Variants in CDC42BPA observed in about 807,000 individuals in gnomAD.
CDC42BPA encodes CDC42 binding protein kinase alpha.
CDC42BPA carries 80 observed loss-of-function variants against 223.5 expected under a neutral mutation model. That is an observed-to-expected ratio of 0.36 (90% CI 0.30 to 0.43). The LOEUF (loss-of-function observed/expected upper bound fraction) is 0.43. CDC42BPA is among the 20% of genes least tolerant of loss of function. The pLI is 1.00. For synonymous variants in CDC42BPA, 694 were observed against 718.6 expected (o/e 0.97, Z 0.55); for missense variants, 1,743 against 2,099.9 (o/e 0.83, Z 3.32).
chr1:227,309,441 A>G (rs1030368138), intron 1 of CDC42BPA, among the ~76,000 whole-genome samples: 7 of 152,234 alleles, frequency 4.6e-5, no homozygotes, highest in Non-Finnish European at 8.8e-5. Flanking sequence ...GTATATATAA[A>G]TAGTTGCTGG....
intron 21 of CDC42BPA, among the ~76,000 whole-genome samples, chr1:227,061,807 G>A (rs1675967783): frequency 6.6e-6 from 1 of 152,088 alleles, no homozygotes; most frequent in African/African-American, 2.4e-5. Flanking sequence ...GAGATTCCAG[G>A]TTTCTGTCCT....
chr1:227,092,249 G>A (rs1339660797), intron 15 of CDC42BPA, among the ~76,000 whole-genome samples: 1 of 152,180 alleles, frequency 6.6e-6, no homozygotes, highest in African/African-American at 2.4e-5. Flanking sequence ...CCAAGGAATT[G>A]TTGCAGGTCT....
At chr1:227,132,658 C>T (rs1356989282) in intron 10 of CDC42BPA, among the ~76,000 whole-genome samples, 2 of 151,248 alleles carry the variant, frequency 1.3e-5, no homozygotes, top group African/African-American at 4.9e-5. Flanking sequence ...TCGTCTCTGC[C>T]CGGCCGCCAT....
intron 1 of CDC42BPA, among the ~76,000 whole-genome samples, chr1:227,276,618 G>T (rs930380835): frequency 6.6e-6 from 1 of 152,232 alleles, no homozygotes; most frequent in Non-Finnish European, 1.5e-5. Context: ...GACGATGGCG[G>T]TTTTGTCTAA....
At chr1:227,286,315 T>A (rs553939801) in intron 1 of CDC42BPA, among the ~76,000 whole-genome samples, 2 of 152,348 alleles carry the variant, frequency 1.3e-5, no homozygotes, top group Admixed American at 6.5e-5. Context: ...AGAAATTTCT[T>A]CTGCCAGTTA....
rs140275087 is a variant in CDC42BPA at position 227,227,875 on chromosome 1, A to G, written c.271-14656T>C. Among the ~76,000 whole-genome samples the G allele has an allele frequency of 3.8e-3, 582 of 152,372 alleles. 10 individuals carry two copies. Among genetic ancestry groups the G allele is most frequent in the Admixed American group, 0.03 (455 of 15,306 alleles). ...GCATGTCTATACACTAGTAAATGAT[A>G]AATGTTCCATGTGTACTGAACAAGA... On this transcript the variant is annotated intron_variant, in intron 2 of 36. Coordinates refer to ENST00000366766, the MANE Select transcript of CDC42BPA (RefSeq NM_001394014.1).
At chr1:226,996,058 T>C (rs1661534226) in intron 35 of CDC42BPA, among the ~76,000 whole-genome samples, 1 of 152,250 alleles carries the variant, frequency 6.6e-6, no homozygotes, top group African/African-American at 2.4e-5. Flanking sequence ...AGAGCCTGCC[T>C]GGGCAGACTC....
At chr1:227,198,041 T>C (rs564577875) in intron 4 of CDC42BPA, among the ~76,000 whole-genome samples, 4 of 152,280 alleles carry the variant, frequency 2.6e-5, no homozygotes, top group Non-Finnish European at 5.9e-5. Context: ...CAATAATATA[T>C]ATGGCTTATA....
Position 226,993,998 on chromosome 1 carries a change from G to A in CDC42BPA, c.*270C>T, listed in dbSNP as rs912479780. On this transcript the variant is annotated 3_prime_UTR_variant, in exon 37 of 37. Coordinates refer to ENST00000366766, the MANE Select transcript of CDC42BPA (RefSeq NM_001394014.1). Reference sequence around the variant, plus strand: ...TATTTAAGCTACCTTTGGGAGTAGGGGTAAAATGTTACTGAAAGCAACTCT... The same window carrying A: ...TATTTAAGCTACCTTTGGGAGTAGGAGTAAAATGTTACTGAAAGCAACTCT... The A allele has an allele frequency of 2.6e-6, 1 of 379,688 alleles. No individual in the cohort carries two copies. Among genetic ancestry groups the A allele is most frequent in the African/African-American group, 2.1e-5 (1 of 47,590 alleles). The allele number at this position is 379,688 out of a possible 1,614,324, so 23.5% of individuals were successfully genotyped here.
At chr1:227,082,456 T>C (rs1680894423) in intron 16 of CDC42BPA, among the ~76,000 whole-genome samples, 1 of 152,122 alleles carries the variant, frequency 6.6e-6, no homozygotes, top group Non-Finnish European at 1.5e-5. Flanking sequence ...GGCTCACACC[T>C]GTAATCCCAG....
chr1:227,208,952 G>A (rs897913424), intron 3 of CDC42BPA, among the ~76,000 whole-genome samples: 1 of 151,940 alleles, frequency 6.6e-6, no homozygotes, highest in African/African-American at 2.4e-5. Flanking sequence ...TGGGCAGTAT[G>A]GCCATTTTCA....
chr1:227,185,313 G>A (rs1668578657), intron 5 of CDC42BPA, among the ~76,000 whole-genome samples: 1 of 152,114 alleles, frequency 6.6e-6, no homozygotes, highest in Non-Finnish European at 1.5e-5. Flanking sequence ...ACCCGGGCTG[G>A]CAACCTTTGA....
intron 12 of CDC42BPA, among the ~76,000 whole-genome samples, chr1:227,116,650 T>A (rs150793976): frequency 6.6e-6 from 1 of 152,164 alleles, no homozygotes; most frequent in African/African-American, 2.4e-5. Flanking sequence ...TGGAGAGATA[T>A]CATGTTTACA....
chr1:227,015,826 C>A (rs1271479118), intron 34 of CDC42BPA, among the ~76,000 whole-genome samples: 3 of 152,148 alleles, frequency 2.0e-5, no homozygotes, highest in Non-Finnish European at 4.4e-5. Context: ...AATAGTAAAC[C>A]TAGGCATGGG....
At chr1:227,014,366 G>A (rs1439104807) in intron 34 of CDC42BPA, among the ~76,000 whole-genome samples, 1 of 151,894 alleles carries the variant, frequency 6.6e-6, no homozygotes, top group Non-Finnish European at 1.5e-5. Flanking sequence ...AATGAGGCTG[G>A]TTTGAACTCC....
chr1:227,093,336 C>T (rs1683421192), intron 15 of CDC42BPA, among the ~76,000 whole-genome samples: 1 of 152,176 alleles, frequency 6.6e-6, no homozygotes, highest in Non-Finnish European at 1.5e-5. Context: ...GACCAAACCT[C>T]TTAGGCTAAG....
chr1:227,002,108 G>GT (rs1484336231), intron 35 of CDC42BPA, among the ~76,000 whole-genome samples: 1 of 152,176 alleles, frequency 6.6e-6, no homozygotes, highest in African/African-American at 2.4e-5. Flanking sequence ...TAATGTGTTT[G>GT]TTTGTCATGG....
chr1:227,011,011 G>T, intron 34 of CDC42BPA: 1 of 1,360,590 alleles, frequency 7.3e-7, no homozygotes, highest in Non-Finnish European at 9.8e-7. Flanking sequence ...AAAGTTGATC[G>T]GAGAGGAGAT....
chr1:227,265,063 A>G lies in CDC42BPA; in HGVS notation c.179-10908T>C, dbSNP rs1684750296. 1.0e-5 allele frequency: 8 copies of G among 777,496 alleles called. No homozygotes were observed. In the South Asian group the frequency reaches 1.1e-4, roughly 10 times the overall value. The allele number at this position is 777,496 out of a possible 1,614,324, so 48.2% of individuals were successfully genotyped here. On this transcript the variant is annotated intron_variant, in intron 1 of 36. Transcript: ENST00000366766. Reference sequence around the variant, plus strand: ...GCTTCATGGACGCAGCAGGAAAAAAATCCTGCATTGCATTGTATCCAAGGT... The same window carrying G: ...GCTTCATGGACGCAGCAGGAAAAAAGTCCTGCATTGCATTGTATCCAAGGT...
Sources: allele counts gnomAD v4.1 joint callset (sites outside exome capture counted in the v4.1 genomes callset), GRCh38; gene constraint gnomAD v4.1.1; transcripts MANE v1.5; gene names NCBI Gene and HGNC (gene_info 2026-07-23, HGNC 2026-07-21).